Variants in SMYD3 observed in about 807,000 individuals in gnomAD.
SMYD3 encodes SET and MYND domain containing 3.
Under a neutral mutation model 57.7 loss-of-function variants are expected in SMYD3, and 36 were observed. The observed-to-expected ratio is 0.62, with a 90% CI of 0.48 to 0.82. SMYD3 has a LOEUF of 0.82. SMYD3 is among the 40% of genes least tolerant of loss of function. The probability of loss-of-function intolerance (pLI) is 0.00; values close to 1 mark genes in which losing one functional copy is unlikely to be tolerated. For synonymous variants in SMYD3, 211 were observed against 195.0 expected (o/e 1.08, Z -0.68); for missense variants, 515 against 538.8 (o/e 0.96, Z 0.44).
At chr1:246,013,773 A>T (rs1235821094) in intron 5 of SMYD3, among the ~76,000 whole-genome samples, 3 of 152,172 alleles carry the variant, frequency 2.0e-5, no homozygotes, top group African/African-American at 7.2e-5. Flanking sequence ...CACAGAAAAT[A>T]ATAAGCAGCA....
chr1:245,771,042 A>G (rs1453518921), intron 10 of SMYD3, among the ~76,000 whole-genome samples: 1 of 149,950 alleles, frequency 6.7e-6, no homozygotes, highest in Non-Finnish European at 1.5e-5. Context: ...GAAGCTATAT[A>G]TATACACACA....
chr1:246,369,343 C>G (rs1026772228), intron 1 of SMYD3, among the ~76,000 whole-genome samples: 1 of 152,108 alleles, frequency 6.6e-6, no homozygotes, highest in South Asian at 2.1e-4. Flanking sequence ...ATTTTATAAA[C>G]CTTTGAATGT....
At chr1:245,953,322 T>C in intron 5 of SMYD3, 1 of 995,552 alleles carries the variant, frequency 1.0e-6, no homozygotes, top group South Asian at 4.7e-5. Flanking sequence ...CCAAAATCTT[T>C]CAATTAACTA....
At chr1:246,384,961 A>G (rs1246748279) in intron 1 of SMYD3, among the ~76,000 whole-genome samples, 1 of 152,216 alleles carries the variant, frequency 6.6e-6, no homozygotes, top group Non-Finnish European at 1.5e-5. Context: ...GGACTTACGC[A>G]GTGATAAATA....
chr1:246,312,777 A>G (rs910014340), intron 5 of SMYD3, among the ~76,000 whole-genome samples: 2 of 152,222 alleles, frequency 1.3e-5, no homozygotes, highest in Non-Finnish European at 2.9e-5. Context: ...CAAATCAGCA[A>G]ATAACTTTTA....
At chr1:245,960,884 T>C (rs776109285) in intron 5 of SMYD3, among the ~76,000 whole-genome samples, 1 of 152,224 alleles carries the variant, frequency 6.6e-6, no homozygotes, top group African/African-American at 2.4e-5. Context: ...ATAGGCATTT[T>C]CACATTTGGA....
intron 5 of SMYD3, among the ~76,000 whole-genome samples, chr1:246,075,988 C>T (rs964335973): frequency 1.4e-5 from 2 of 146,292 alleles, no homozygotes; most frequent in African/African-American, 5.0e-5. Context: ...GCAAAAGAAC[C>T]GAAAGATAAT....
chr1:245,981,923 G>T (rs183711440), intron 5 of SMYD3, among the ~76,000 whole-genome samples: 64 of 152,304 alleles, frequency 4.2e-4, no homozygotes, highest in East Asian at 2.9e-3. Flanking sequence ...ACCAGGCTTG[G>T]GCAGGCGAGT....
chr1:245,852,802 C>T (rs1300700952), intron 10 of SMYD3, among the ~76,000 whole-genome samples: 1 of 152,132 alleles, frequency 6.6e-6, no homozygotes, highest in Non-Finnish European at 1.5e-5. Flanking sequence ...TGGGTCTTGA[C>T]GGACCCTTCG....
intron 5 of SMYD3, among the ~76,000 whole-genome samples, chr1:246,158,329 A>G (rs1158673441): frequency 6.6e-6 from 1 of 152,246 alleles, no homozygotes; most frequent in Non-Finnish European, 1.5e-5. Context: ...AGGGAAGAAG[A>G]TCATCTTGAC....
chr1:246,454,567 A>G (rs1278965949), intron 1 of SMYD3, among the ~76,000 whole-genome samples: 1 of 152,214 alleles, frequency 6.6e-6, no homozygotes, highest in Non-Finnish European at 1.5e-5. Context: ...GGACTATAAA[A>G]TGTACACAGG....
chr1:245,940,153 G>T (rs144980558), intron 5 of SMYD3, among the ~76,000 whole-genome samples: 6 of 152,166 alleles, frequency 3.9e-5, no homozygotes, highest in African/African-American at 1.4e-4. Flanking sequence ...CACAGCACTG[G>T]GGGGAGGGGC....
intron 5 of SMYD3, among the ~76,000 whole-genome samples, chr1:246,154,633 T>C (rs1272650013): frequency 6.6e-6 from 1 of 152,180 alleles, no homozygotes; most frequent in African/African-American, 2.4e-5. Flanking sequence ...GCCCACAAAT[T>C]TGGCAACAAG....
chr1:246,416,297 T>C (rs2067059641), intron 1 of SMYD3, among the ~76,000 whole-genome samples: 1 of 152,116 alleles, frequency 6.6e-6, no homozygotes, highest in Admixed American at 6.5e-5. Context: ...AAGAAAAAAG[T>C]TTTACATTAC....
At chr1:246,378,420 G>T (rs940531542) in intron 1 of SMYD3, among the ~76,000 whole-genome samples, 2 of 151,822 alleles carry the variant, frequency 1.3e-5, no homozygotes, top group Admixed American at 6.6e-5. Flanking sequence ...TCAGCTGCCA[G>T]CACAGCTAGA....
chr1:246,148,544 C>T (rs2061892736), intron 5 of SMYD3, among the ~76,000 whole-genome samples: 2 of 152,158 alleles, frequency 1.3e-5, no homozygotes, highest in African/African-American at 4.8e-5. Context: ...GCAAAGGTGC[C>T]ACCAGCCACA....
intron 5 of SMYD3, among the ~76,000 whole-genome samples, chr1:246,089,478 ACCCAT>A (rs1277065251): frequency 1.3e-5 from 2 of 152,122 alleles, no homozygotes; most frequent in Admixed American, 6.5e-5. Context: ...TGCATATCCA[ACCCAT>A]CCCTATTTCG....
intron 5 of SMYD3, among the ~76,000 whole-genome samples, chr1:246,310,716 C>G (rs2065062267): frequency 7.7e-6 from 1 of 130,398 alleles, no homozygotes; most frequent in Non-Finnish European, 1.5e-5. Flanking sequence ...GTCACCCAGG[C>G]TGGAGTGCAG....
chr1:246,408,476 G>A (rs2066905384), intron 1 of SMYD3, among the ~76,000 whole-genome samples: 1 of 152,052 alleles, frequency 6.6e-6, no homozygotes, highest in Admixed American at 6.6e-5. Flanking sequence ...ATAAGCTGTT[G>A]CTGTTTCCTA....
Sources: gnomAD v4.1 joint callset for allele counts (sites outside exome capture counted in the v4.1 genomes callset) on GRCh38, gnomAD v4.1.1 for gene constraint, MANE v1.5 for transcripts, NCBI Gene and HGNC (gene_info 2026-07-23, HGNC 2026-07-21) for gene names.